Variants in DNAH6 observed in about 807,000 individuals in gnomAD.
DNAH6 encodes the protein axonemal beta dynein heavy chain 6.
DNAH6 carries 340 observed loss-of-function variants against 491.4 expected under a neutral mutation model. The ratio of observed to expected loss-of-function variants is 0.69; its 90% CI spans 0.63 to 0.76. DNAH6 has a LOEUF of 0.76. Among genes scored for constraint, DNAH6 ranks in the 30% least tolerant of loss-of-function variants. The pLI is 0.00. For missense variants in DNAH6, 4,443 were observed against 4,972.2 expected (o/e 0.89, Z 3.20); for synonymous variants, 1,603 against 1,686.1 (o/e 0.95, Z 1.21).
intron 2 of DNAH6, among the ~76,000 whole-genome samples, chr2:84,519,726 T>A (rs534584517): frequency 6.6e-6 from 1 of 151,714 alleles, no homozygotes; most frequent in African/African-American, 2.4e-5. Context: ...CTTCTTCTTT[T>A]ACATTTTTTC....
chr2:84,796,828 C>A (rs1001420170), intron 69 of DNAH6, among the ~76,000 whole-genome samples: 4 of 151,970 alleles, frequency 2.6e-5, no homozygotes, highest in African/African-American at 9.7e-5. Flanking sequence ...AAGACCCAGT[C>A]TCTAAATCAT....
At chr2:84,549,361 A>G (rs1679101773) in intron 8 of DNAH6, among the ~76,000 whole-genome samples, 1 of 152,220 alleles carries the variant, frequency 6.6e-6, no homozygotes, top group Non-Finnish European at 1.5e-5. Flanking sequence ...TTAGAGCTCC[A>G]CTTGAGCAGA....
chr2:84,721,974 G>A (rs1698206268), intron 59 of DNAH6, among the ~76,000 whole-genome samples: 1 of 152,162 alleles, frequency 6.6e-6, no homozygotes, highest in Non-Finnish European at 1.5e-5. Flanking sequence ...ACATAGAGAA[G>A]GGAATCTTGG....
intron 4 of DNAH6, among the ~76,000 whole-genome samples, chr2:84,543,541 C>A (rs375387679): frequency 6.6e-6 from 1 of 152,146 alleles, no homozygotes; most frequent in Non-Finnish European, 1.5e-5. Flanking sequence ...CAGAGAATAT[C>A]GTTTTGCTGT....
intron 70 of DNAH6, among the ~76,000 whole-genome samples, chr2:84,798,852 C>A (rs902001951): frequency 6.6e-6 from 1 of 152,182 alleles, no homozygotes; most frequent in Non-Finnish European, 1.5e-5. Flanking sequence ...GTCCCAACTC[C>A]CCAGGACTCA....
At position 84,528,908 on chromosome 2, in the gene DNAH6, A is replaced by G. The variant is rs769137472; in HGVS notation, c.404A>G (p.His135Arg). The change falls in exon 4 of 77, where the codon CAT becomes CGT. Residue 135 changes from histidine to arginine, a missense_variant. Physicochemically the swap from His to Arg is conservative, Grantham distance 29. Around this residue, in one of 3 missense-constraint regions of DNAH6, gnomAD observed 2,977 missense variants for 3,296.6 expected, o/e 0.90. Transcript: ENST00000389394. ...TCAAAAATTGGCTTTGTTTAGATTC[A>G]TCGGCCCTATGTTGAGGTGTTCTCT... ...HQDAVKKMQI[H>R]RPYVEVFSPS... 6.5e-7 allele frequency: 1 copy of G among 1,541,060 alleles called. No individual in the cohort carries two copies. The highest frequency in any genetic ancestry group is 2.0e-5 in the Admixed American group (1 of 49,678).
intron 63 of DNAH6, among the ~76,000 whole-genome samples, chr2:84,748,921 A>G (rs1454232649): frequency 2.0e-5 from 3 of 152,340 alleles, no homozygotes; most frequent in East Asian, 3.9e-4. Context: ...TCTTTTACAT[A>G]TGGTGAAAGG....
intron 47 of DNAH6, 75 bp from the exon 48 acceptor site, chr2:84,699,519 T>G: frequency 1.5e-6 from 2 of 1,291,940 alleles, no homozygotes; most frequent in Non-Finnish European, 2.1e-6. Flanking sequence ...GAGCCTCAGA[T>G]GCATTAGCCA....
chr2:84,627,337 C>A (rs1388514020), intron 29 of DNAH6, among the ~76,000 whole-genome samples: 2 of 152,126 alleles, frequency 1.3e-5, no homozygotes, highest in African/African-American at 4.8e-5. Context: ...TGTTGGAATA[C>A]TTCCTTGAGC....
At position 84,670,467 on chromosome 2, in the gene DNAH6, A is replaced by G. The variant is rs1692619369; in HGVS notation, c.6446A>G (p.Asn2149Ser). 1 of 1,527,914 alleles carries G rather than the reference A, an allele frequency of 6.5e-7. No homozygotes were observed. The highest frequency in any genetic ancestry group is 8.8e-7 in the Non-Finnish European group (1 of 1,136,008). The allele number at this position is 1,527,914 out of a possible 1,614,324, so 94.6% of individuals were successfully genotyped here. The change falls in exon 39 of 77, where the codon AAT becomes AGT. Residue 2149 changes from asparagine (N) to serine (S), a missense_variant. Coordinates refer to ENST00000389394, the MANE Select transcript of DNAH6 (RefSeq NM_001370.2). ...IESKLERKRK[N>S]ILGAPGNKRI... ...TCAAAACTGGAGAGAAAAAGAAAAA[A>G]TATTCTAGGTAAGAATCATTATTTT...
rs565698314 is a variant in DNAH6, at chr2:84,701,230, G to A, written c.7952G>A (p.Arg2651His). ...VHLSVSSMAE[R>H]YYNELRRRYY... ...TTGAGTGTCTCCAGCATGGCAGAGC[G>A]CTATTACAATGAGCTGCGCAGGCGG... The change falls in exon 49 of 77, where the codon CGC becomes CAC. Residue 2651 changes from arginine (R) to histidine (H), a missense_variant. Arg to His is a conservative substitution (Grantham distance 29). Coordinates refer to ENST00000389394, the MANE Select transcript of DNAH6 (RefSeq NM_001370.2). 61 of 1,551,808 alleles carry A rather than the reference G, an allele frequency of 3.9e-5. No homozygotes were observed. Among genetic ancestry groups the A allele is most frequent in the Middle Eastern group, 1.7e-4 (1 of 5,994 alleles).
intron 62 of DNAH6, among the ~76,000 whole-genome samples, chr2:84,742,145 G>A (rs927914086): frequency 1.3e-5 from 2 of 152,108 alleles, no homozygotes; most frequent in Admixed American, 1.3e-4. Context: ...CGCAATACCT[G>A]CATCTAGTCA....
chr2:84,699,568 T>G, intron 47 of DNAH6, 26 bp from the exon 48 acceptor site: 5 of 1,539,880 alleles, frequency 3.2e-6, no homozygotes, highest in Non-Finnish European at 4.4e-6. Context: ...TATTTTAAAC[T>G]GAAAAAATAA....
At chr2:84,530,973 G>A (rs187645756) in intron 4 of DNAH6, among the ~76,000 whole-genome samples, 5 of 152,236 alleles carry the variant, frequency 3.3e-5, no homozygotes, top group African/African-American at 1.2e-4. Context: ...AGGTCCTGAT[G>A]ACATGTGCCC....
At chr2:84,678,284 A>T (rs1693450354) in intron 41 of DNAH6, among the ~76,000 whole-genome samples, 2 of 152,178 alleles carry the variant, frequency 1.3e-5, no homozygotes, top group South Asian at 4.1e-4. Flanking sequence ...TCACTCCTAT[A>T]ATTAAGCACC....
At chr2:84,814,769 C>T (rs899299227) in intron 75 of DNAH6, among the ~76,000 whole-genome samples, 7 of 152,162 alleles carry the variant, frequency 4.6e-5, no homozygotes, top group African/African-American at 9.7e-5. Flanking sequence ...GGGTCATGTG[C>T]GCTGAGCCAT....
intron 17 of DNAH6, 141 bp downstream of exon 17, chr2:84,594,226 A>G: frequency 3.6e-6 from 1 of 277,694 alleles, no homozygotes; most frequent in Middle Eastern, 9.5e-4. Context: ...TTTTCTGATA[A>G]TTTTTATAAG....
intron 29 of DNAH6, among the ~76,000 whole-genome samples, chr2:84,632,698 GCATT>G (rs1250514258): frequency 2.6e-5 from 4 of 151,796 alleles, no homozygotes; most frequent in Non-Finnish European, 5.9e-5. Context: ...ATCATTCCAT[GCATT>G]CATTCAACTT....
chr2:84,720,545 T>C (rs915587088), intron 59 of DNAH6, among the ~76,000 whole-genome samples: 2 of 152,106 alleles, frequency 1.3e-5, no homozygotes, highest in African/African-American at 4.8e-5. Context: ...CCCAAAGTGC[T>C]GGGATTACAG....
Sources: allele counts gnomAD v4.1 joint callset (sites outside exome capture counted in the v4.1 genomes callset), GRCh38; gene constraint gnomAD v4.1.1; regional missense constraint gnomAD v4.1.1; transcripts MANE v1.5; gene names NCBI Gene and HGNC (gene_info 2026-07-23, HGNC 2026-07-21).